CCDC91: variants seen among roughly 807,000 people sequenced by gnomAD.
CCDC91 encodes coiled-coil domain containing 91, also known as coiled-coil domain-containing protein 91.
A neutral mutation model predicts 63.2 loss-of-function variants in CCDC91; 48 were observed. That is an observed-to-expected ratio of 0.76 (90% CI 0.60 to 0.97). The LOEUF (loss-of-function observed/expected upper bound fraction) is 0.97. CCDC91 is among the 50% of genes least tolerant of loss of function. CCDC91 has a pLI of 0.00. For synonymous variants in CCDC91, 167 were observed against 165.8 expected (o/e 1.01, Z -0.06); for missense variants, 500 against 494.6 (o/e 1.01, Z -0.10).
chr12:28,405,996 T>A (rs1244574803), intron 8 of CCDC91, among the ~76,000 whole-genome samples: 1 of 152,082 alleles, frequency 6.6e-6, no homozygotes, highest in Non-Finnish European at 1.5e-5. Context: ...ACCCTATGCA[T>A]CCCCCTTACG....
At chr12:28,363,655 A>T (rs1170807656) in intron 7 of CCDC91, among the ~76,000 whole-genome samples, 1 of 152,016 alleles carries the variant, frequency 6.6e-6, no homozygotes, top group Non-Finnish European at 1.5e-5. Flanking sequence ...AGGCCGAGGC[A>T]GGTGGATCAC....
At chr12:28,431,496 A>G (rs1017470286) in intron 8 of CCDC91, among the ~76,000 whole-genome samples, 1 of 152,174 alleles carries the variant, frequency 6.6e-6, no homozygotes, top group African/African-American at 2.4e-5. Context: ...AGATATTAAT[A>G]TAACTATTTC....
intron 11 of CCDC91, among the ~76,000 whole-genome samples, chr12:28,477,719 G>A (rs191717133): frequency 7.9e-5 from 12 of 152,250 alleles, no homozygotes; most frequent in East Asian, 1.9e-4. Flanking sequence ...AAACCGCATC[G>A]TCTTAGCCCC....
chr12:28,533,269 C>A (rs956359891), intron 12 of CCDC91, among the ~76,000 whole-genome samples: 10 of 151,972 alleles, frequency 6.6e-5, no homozygotes, highest in African/African-American at 2.2e-4. Context: ...ATCTCTTTTC[C>A]ATTTTTTGAG....
chr12:28,474,767 GA>G (rs1950995484), intron 11 of CCDC91, among the ~76,000 whole-genome samples: 1 of 139,172 alleles, frequency 7.2e-6, no homozygotes, highest in South Asian at 2.2e-4. Context: ...GAGAGAACAT[GA>G]AAAAGAAAAA....
intron 12 of CCDC91, among the ~76,000 whole-genome samples, chr12:28,499,510 C>G (rs1338105018): frequency 6.6e-6 from 1 of 151,932 alleles, no homozygotes; most frequent in Non-Finnish European, 1.5e-5. Context: ...TCCCCTACCC[C>G]CCACTCCCTT....
chr12:28,267,132 T>A (rs1451722545), intron 3 of CCDC91, among the ~76,000 whole-genome samples: 1 of 151,604 alleles, frequency 6.6e-6, no homozygotes, highest in Non-Finnish European at 1.5e-5. Context: ...CAGTGAAAAA[T>A]TTTTCTTTTA....
At chr12:28,343,381 A>G (rs1942582636) in intron 6 of CCDC91, among the ~76,000 whole-genome samples, 1 of 152,044 alleles carries the variant, frequency 6.6e-6, no homozygotes, top group African/African-American at 2.4e-5. Flanking sequence ...GGGAGAGTAG[A>G]AGGAGGAGCT....
intron 12 of CCDC91, among the ~76,000 whole-genome samples, chr12:28,487,922 T>C (rs941815626): frequency 5.3e-5 from 8 of 151,786 alleles, no homozygotes; most frequent in African/African-American, 1.9e-4. Context: ...ACATCTTTTT[T>C]TTAGTCTTTT....
intron 8 of CCDC91, among the ~76,000 whole-genome samples, chr12:28,410,769 G>A (rs1396537428): frequency 2.0e-5 from 3 of 152,036 alleles, no homozygotes; most frequent in Non-Finnish European, 2.9e-5. Context: ...TAATCCGCCC[G>A]CCTCAGCCTC....
At chr12:28,471,739 TTTTG>T (rs1009763661) in intron 11 of CCDC91, among the ~76,000 whole-genome samples, 13 of 151,138 alleles carry the variant, frequency 8.6e-5, no homozygotes, top group Admixed American at 6.6e-4. Flanking sequence ...AGTGACATTG[TTTTG>T]TTTATTTTCT....
intron 11 of CCDC91, among the ~76,000 whole-genome samples, chr12:28,459,487 T>C (rs1263174286): frequency 6.6e-6 from 1 of 152,148 alleles, no homozygotes; most frequent in Non-Finnish European, 1.5e-5. Context: ...TTGGTAGCTT[T>C]TAATTGGAAC....
intron 8 of CCDC91, among the ~76,000 whole-genome samples, chr12:28,422,237 A>G (rs1422755912): frequency 1.3e-5 from 2 of 152,178 alleles, no homozygotes; most frequent in Non-Finnish European, 2.9e-5. Context: ...TGGCTTTCTT[A>G]TACAATTCAA....
At chr12:28,424,516 C>G (rs1468720780) in intron 8 of CCDC91, among the ~76,000 whole-genome samples, 2 of 152,132 alleles carry the variant, frequency 1.3e-5, no homozygotes, top group South Asian at 4.1e-4. Context: ...AATGATACCT[C>G]ATTTCTAATT....
At chr12:28,500,189 G>T (rs111824383) in intron 12 of CCDC91, among the ~76,000 whole-genome samples, 2,566 of 126,166 alleles carry the variant, frequency 0.02, 28 homozygotes, top group South Asian at 0.035. Context: ...TTTTGATGGG[G>T]TTTTTTTTTT....
intron 1 of CCDC91, among the ~76,000 whole-genome samples, chr12:28,197,532 A>G (rs572764775): frequency 6.6e-6 from 1 of 152,186 alleles, no homozygotes; most frequent in East Asian, 1.9e-4. Context: ...CATTTCATAG[A>G]CAAAGGAAAC....
chr12:28,432,873 C>T lies in CCDC91; in HGVS notation c.763-17288C>T, dbSNP rs1948704847. Among the ~76,000 whole-genome samples, 4 of 152,102 alleles carry T rather than the reference C, an allele frequency of 2.6e-5. No homozygotes were observed. In the South Asian group the frequency reaches 8.3e-4, roughly 31 times the overall value. Reference sequence around the variant, plus strand: ...GAGAATTGCTCTTGCTCCACATTCTCAAAAGCCTTTGGTGATTTCAAATGC... The same window carrying T: ...GAGAATTGCTCTTGCTCCACATTCTTAAAAGCCTTTGGTGATTTCAAATGC... On this transcript the variant is annotated intron_variant, in intron 8 of 12. Coordinates refer to ENST00000536442, the MANE Select transcript of CCDC91 (RefSeq NM_018318.5).
intron 12 of CCDC91, among the ~76,000 whole-genome samples, chr12:28,533,213 T>C (rs1941885047): frequency 6.6e-6 from 1 of 152,116 alleles, no homozygotes; most frequent in South Asian, 2.1e-4. Flanking sequence ...ATCAAGTTGC[T>C]TGCTTTTACA....
chr12:28,362,280 T>TATATATATATATATATATATATATATATA (rs1943940766), intron 6 of CCDC91, among the ~76,000 whole-genome samples, 158 bp from the exon 7 acceptor site: 1 of 131,722 alleles, frequency 7.6e-6, no homozygotes, highest in Non-Finnish European at 1.8e-5. Context: ...AAGCAAAGCT[T>TATATATATATATATATATATATATATATA]TATATATATA....
Sources: gnomAD v4.1 joint callset for allele counts (sites outside exome capture counted in the v4.1 genomes callset) on GRCh38, gnomAD v4.1.1 for gene constraint, MANE v1.5 for transcripts, NCBI Gene and HGNC (gene_info 2026-07-23, HGNC 2026-07-21) for gene names.